Variants in SDHB observed in about 807,000 individuals in gnomAD.
SDHB encodes succinate dehydrogenase complex iron sulfur subunit B.
SDHB carries 21 observed loss-of-function variants against 39.7 expected under a neutral mutation model. The observed-to-expected ratio is 0.53, with a 90% CI of 0.37 to 0.76. SDHB has a LOEUF of 0.76. Among genes scored for constraint, SDHB ranks in the 30% least tolerant of loss-of-function variants. The pLI is 0.00. For missense variants in SDHB, 343 were observed against 350.9 expected (o/e 0.98, Z 0.18); for synonymous variants, 118 against 117.0 (o/e 1.01, Z -0.06).
rs546803164 is a variant in SDHB, at chr1:17,053,707, C to A, written c.72+241G>T. Among the ~76,000 whole-genome samples the A allele has an allele frequency of 2.8e-4, 43 of 151,966 alleles. 1 individual carries two copies. The highest frequency in any genetic ancestry group is 7.5e-4 in the African/African-American group (31 of 41,474). ...AAGTCCCCTTTCTGAACGTCCCCCC[C>A]CCCCGCACCCTTAGCTGTAAAAAAT... is the stretch of plus-strand genomic sequence containing the variant. On this transcript the variant is annotated intron_variant, in intron 1 of 7. Transcript: ENST00000375499.
rs775350144 is a variant in SDHB at position 17,053,973 on chromosome 1, G to C, written c.47C>G (p.Thr16Arg). ...CTGCAGGCAGGCTCCGCCAAGGGTT[G>C]TGGCCGGCAACCGGCGCCTCAAGGA... ...ALSLRRRLPATTLGGACLQAS... is the reference protein window; with the variant it reads ...ALSLRRRLPARTLGGACLQAS... The change falls in exon 1 of 8, where the codon ACA (threonine) becomes AGA (arginine). Residue 16 changes from threonine to arginine, a missense_variant. By Grantham distance (71) the Thr-to-Arg change is moderately conservative. Coordinates refer to ENST00000375499, the MANE Select transcript of SDHB (RefSeq NM_003000.3). 7.4e-6 allele frequency: 12 copies of C among 1,613,088 alleles called. No homozygotes were observed. Among genetic ancestry groups the C allele is most frequent in the African/African-American group, 1.3e-5 (1 of 74,944 alleles).
intron 5 of SDHB, among the ~76,000 whole-genome samples, chr1:17,025,113 C>A (rs1338267630): frequency 6.6e-6 from 1 of 152,124 alleles, no homozygotes; most frequent in Non-Finnish European, 1.5e-5. Context: ...GTTCATCTAG[C>A]CTTATTTCTA....
chr1:17,051,881 G>A (rs1028968325), intron 1 of SDHB, among the ~76,000 whole-genome samples: 3 of 148,200 alleles, frequency 2.0e-5, no homozygotes, highest in South Asian at 2.2e-4. Flanking sequence ...CGCTCTTGTC[G>A]CCCAGGATGG....
chr1:17,019,374 A>G (rs2077948504), intron 7 of SDHB, among the ~76,000 whole-genome samples: 1 of 152,206 alleles, frequency 6.6e-6, no homozygotes, highest in African/African-American at 2.4e-5. Flanking sequence ...AGCATATACC[A>G]GCTCTCAAAA....
rs756714182 is a variant in SDHB at position 17,027,734 on chromosome 1, A to G, written c.540+15T>C. Reference sequence around the variant, plus strand: ...TAAATTCTTCAGATTGAAACAATAAATAGGGACTAATGACCAGTTTCTCAC... The same window carrying G: ...TAAATTCTTCAGATTGAAACAATAAGTAGGGACTAATGACCAGTTTCTCAC... On this transcript the variant is annotated intron_variant, in intron 5 of 7. Coordinates refer to ENST00000375499, the MANE Select transcript of SDHB (RefSeq NM_003000.3). The G allele has an allele frequency of 2.9e-6, 4 of 1,384,518 alleles. No homozygotes were observed. The Admixed American group carries it at 6.7e-5, about 23-fold the overall frequency. The allele number at this position is 1,384,518 out of a possible 1,614,324, so 85.8% of individuals were successfully genotyped here. A position where few individuals can be genotyped will look rare whatever the true frequency, so the allele number is the denominator to read the frequency against.
At chr1:17,043,481 A>T (rs1394048064) in intron 2 of SDHB, among the ~76,000 whole-genome samples, 1 of 152,226 alleles carries the variant, frequency 6.6e-6, no homozygotes, top group Non-Finnish European at 1.5e-5. Context: ...TATTCGTGGT[A>T]TTCAAACTTT....
chr1:17,053,981 C>T lies in SDHB; in HGVS notation c.39G>A (p.Leu13=), dbSNP rs201745731. The T allele has an allele frequency of 6.2e-7, 1 of 1,613,070 alleles. No homozygotes were observed. Among genetic ancestry groups the T allele is most frequent in the African/African-American group, 1.3e-5 (1 of 75,060 alleles). ...AGGCTCCGCCAAGGGTTGTGGCCGG[C>T]AACCGGCGCCTCAAGGAGAGGGCGA... ...AVVALSLRRR[L]PATTLGGACL... The change falls in exon 1 of 8, where the codon TTG becomes TTA. Residue 13 remains leucine, a synonymous_variant. Coordinates refer to ENST00000375499, the MANE Select transcript of SDHB (RefSeq NM_003000.3).
chr1:17,024,436 G>T (rs12142244), intron 5 of SDHB, among the ~76,000 whole-genome samples: 1 of 151,966 alleles, frequency 6.6e-6, no homozygotes, highest in African/African-American at 2.4e-5. Flanking sequence ...AAGCCTAGGG[G>T]CTGAAGCAGC....
Position 17,027,169 on chromosome 1 carries a change from G to A in SDHB, c.540+580C>T, listed in dbSNP as rs141592879. Among the ~76,000 whole-genome samples the A allele has an allele frequency of 9.2e-5, 14 of 152,270 alleles. No homozygotes were observed. The East Asian group carries it at 2.7e-3, about 29-fold the overall frequency. ...TTCTTCGCAGAGGAGTAGAAGTAGT[G>A]TAGAAGAAGAAAGACTGAAAACTTG... is the stretch of plus-strand genomic sequence containing the variant. On this transcript the variant is annotated intron_variant, in intron 5 of 7. Transcript: ENST00000375499.
intron 2 of SDHB, among the ~76,000 whole-genome samples, chr1:17,036,230 G>C (rs1210904288): frequency 6.6e-6 from 1 of 152,106 alleles, no homozygotes; most frequent in African/African-American, 2.4e-5. Context: ...CCCACAAACA[G>C]GGCATGTCTT....
rs914331359 is a variant in SDHB at position 17,032,994 on chromosome 1, T to G, written c.286+66A>C. On this transcript the variant is annotated intron_variant, in intron 3 of 7. Transcript: ENST00000375499. ...TGTTTTCCAGATGTCTCTATCAGCT[T>G]TGGCCAGCCCAAGCCTCTTTGGAAG... 1.7e-5 allele frequency: 21 copies of G among 1,237,556 alleles called. No individual in the cohort carries two copies. The African/African-American group carries it at 3.1e-4, about 18-fold the overall frequency. The allele number at this position is 1,237,556 out of a possible 1,614,324, so 76.7% of individuals were successfully genotyped here.
chr1:17,034,320 G>C (rs749885875), intron 2 of SDHB, among the ~76,000 whole-genome samples: 6 of 151,678 alleles, frequency 4.0e-5, no homozygotes, highest in Admixed American at 3.3e-4. Context: ...CTTAATTTTT[G>C]TATTTTTTTG....
In SDHB at chr1:17,028,736, C is replaced by G. The variant is rs778952116; in HGVS notation, c.287G>C (p.Gly96Ala). The change falls in exon 4 of 8, where the codon GGC (glycine) becomes GCC (alanine). Residue 96 changes from glycine (G) to alanine (A), a missense_variant and splice_region_variant. Coordinates refer to ENST00000375499, the MANE Select transcript of SDHB (RefSeq NM_003000.3). ...TLTFRRSCRE[G>A]ICGSCAMNIN... ...GTTCATTGCACAAGAGCCACAGATG[C>G]CTGAAAGAGACACACATTTAACACA... 6.2e-7 allele frequency: 1 copy of G among 1,613,792 alleles called. No homozygotes were observed. The highest frequency in any genetic ancestry group is 8.5e-7 in the Non-Finnish European group (1 of 1,180,040).
chr1:17,049,421 C>G (rs1186272730), intron 1 of SDHB, among the ~76,000 whole-genome samples: 1 of 151,936 alleles, frequency 6.6e-6, no homozygotes, highest in African/African-American at 2.4e-5. Flanking sequence ...TCTCAGCCAC[C>G]CGGGTAGCTG....
At chr1:17,036,526 G>C (rs979612205) in intron 2 of SDHB, among the ~76,000 whole-genome samples, 5 of 151,640 alleles carry the variant, frequency 3.3e-5, no homozygotes, top group Admixed American at 2.0e-4. Flanking sequence ...CATATAATTT[G>C]TTCCTAAGAA....
chr1:17,052,047 A>C (rs997421094), intron 1 of SDHB, among the ~76,000 whole-genome samples: 1 of 151,722 alleles, frequency 6.6e-6, no homozygotes, highest in South Asian at 2.1e-4. Flanking sequence ...GGGTTTCACC[A>C]TGTTGGCCGG....
chr1:17,036,769 AATAT>A (rs1248932438), intron 2 of SDHB, among the ~76,000 whole-genome samples: 2 of 141,942 alleles, frequency 1.4e-5, no homozygotes, highest in South Asian at 2.1e-4. Flanking sequence ...TATAAATATG[AATAT>A]ATAAATATAA....
chr1:17,051,632 G>A (rs2078148276), intron 1 of SDHB, among the ~76,000 whole-genome samples: 1 of 151,018 alleles, frequency 6.6e-6, no homozygotes, highest in African/African-American at 2.4e-5. Context: ...TTAGCTTTTC[G>A]GATTCTATTT....
chr1:17,027,855 T>C lies in SDHB; in HGVS notation c.434A>G (p.Asn145Ser). The C allele has an allele frequency of 6.2e-7, 1 of 1,601,004 alleles. No homozygotes were observed. ...VIKDLVPDLS[N>S]FYAQYKSIEP... ...AATGGATTTGTACTGTGCATAGAAG[T>C]TGCTCAAATCCTGTGGTTAAGAGGA... The change falls in exon 5 of 8, where the codon AAC becomes AGC. Residue 145 changes from asparagine to serine, a missense_variant. Physicochemically the swap from Asn to Ser is conservative, Grantham distance 46 (BLOSUM62 1). Coordinates refer to ENST00000375499, the MANE Select transcript of SDHB (RefSeq NM_003000.3).
Sources: gnomAD v4.1 joint callset for allele counts (sites outside exome capture counted in the v4.1 genomes callset) on GRCh38, gnomAD v4.1.1 for gene constraint, MANE v1.5 for transcripts, NCBI Gene and HGNC (gene_info 2026-07-23, HGNC 2026-07-21) for gene names.